The following ST6GALNAC3 variants were observed in gnomAD, a reference collection of about 807,000 sequenced individuals.
The protein encoded by ST6GALNAC3 is alpha-N-acetylgalactosaminide alpha-2,6-sialyltransferase 3.
ST6GALNAC3 carries 25 observed loss-of-function variants against 32.7 expected under a neutral mutation model. The observed-to-expected ratio is 0.76, with a 90% CI of 0.56 to 1.07. ST6GALNAC3 has a LOEUF of 1.07. ST6GALNAC3 is among the 50% of genes least tolerant of loss of function. The pLI is 0.00. For synonymous variants in ST6GALNAC3, 129 were observed against 133.1 expected (o/e 0.97, Z 0.21); for missense variants, 355 against 382.4 (o/e 0.93, Z 0.60).
chr1:76,628,432 A>T (rs980608355), intron 4 of ST6GALNAC3, among the ~76,000 whole-genome samples, 188 bp from the exon 5 acceptor site: 3 of 151,974 alleles, frequency 2.0e-5, no homozygotes, highest in African/African-American at 7.2e-5. Context: ...CTATTAAACC[A>T]CTAAAAACTT....
chr1:76,628,586 T>A, intron 4 of ST6GALNAC3, 34 bp from the exon 5 acceptor site: 1 of 1,542,260 alleles, frequency 6.5e-7, no homozygotes. Context: ...TTCATCTCAA[T>A]CTTTCTCTCC....
chr1:76,179,336 G>A (rs937516660), intron 1 of ST6GALNAC3, among the ~76,000 whole-genome samples: 3 of 152,122 alleles, frequency 2.0e-5, no homozygotes, highest in African/African-American at 4.8e-5. Flanking sequence ...ACTCCTTGGA[G>A]TCATTCTTAA....
At chr1:76,085,143 A>G (rs960829778) in intron 1 of ST6GALNAC3, among the ~76,000 whole-genome samples, 2 of 152,224 alleles carry the variant, frequency 1.3e-5, no homozygotes, top group African/African-American at 4.8e-5. Context: ...GGTGAAAATG[A>G]TATGAAATTC....
chr1:76,636,439 T>C (rs79810392), downstream of ST6GALNAC3, among the ~76,000 whole-genome samples: 5,233 of 152,304 alleles, frequency 0.034, 132 homozygotes, highest in Middle Eastern at 0.11. Flanking sequence ...ATATTTTTAC[T>C]GCATAAAATA....
chr1:76,636,349 C>A (rs545587218), downstream of ST6GALNAC3, among the ~76,000 whole-genome samples: 34 of 152,216 alleles, frequency 2.2e-4, no homozygotes, highest in Admixed American at 1.1e-3. Context: ...GTTTTTGTGC[C>A]TATTTCCCTT....
chr1:76,408,191 G>A (rs943094296), intron 2 of ST6GALNAC3, among the ~76,000 whole-genome samples: 2 of 151,984 alleles, frequency 1.3e-5, no homozygotes, highest in South Asian at 2.1e-4. Context: ...CCACACTCTT[G>A]TCATACTTTA....
At chr1:76,192,970 GGTAATTCTACTTCTCTTA>G (rs753435047) in intron 1 of ST6GALNAC3, among the ~76,000 whole-genome samples, 58 of 152,198 alleles carry the variant, frequency 3.8e-4, no homozygotes, top group Middle Eastern at 6.8e-3. Flanking sequence ...TTCCCCAGAA[GGTAATTCTACTTCTCTTA>G]GTAATTCTCA....
chr1:76,445,031 A>G (rs1656874708), intron 3 of ST6GALNAC3, among the ~76,000 whole-genome samples: 3 of 152,202 alleles, frequency 2.0e-5, no homozygotes, highest in Non-Finnish European at 4.4e-5. Context: ...AAAGCAAGGG[A>G]ACATTATGTT....
At chr1:76,583,992 T>A (rs1646926788) in intron 3 of ST6GALNAC3, among the ~76,000 whole-genome samples, 1 of 152,180 alleles carries the variant, frequency 6.6e-6, no homozygotes, top group South Asian at 2.1e-4. Flanking sequence ...TGTAATCTGA[T>A]CATGGTGGTA....
intron 3 of ST6GALNAC3, among the ~76,000 whole-genome samples, chr1:76,559,449 T>C (rs554530109): frequency 6.6e-6 from 1 of 152,266 alleles, no homozygotes; most frequent in East Asian, 1.9e-4. Flanking sequence ...TCCATGATCA[T>C]GGAGTAGGCA....
Position 76,556,320 on chromosome 1 carries a change from A to C in ST6GALNAC3, c.624-71132A>C, listed in dbSNP as rs115710442. 8.9e-3 allele frequency among the ~76,000 whole-genome samples: 1,354 copies of C among 152,234 alleles called. 21 individuals carry two copies. The highest frequency in any genetic ancestry group is 0.049 in the East Asian group (253 of 5,188). On this transcript the variant is annotated intron_variant, in intron 3 of 4. Coordinates refer to ENST00000328299, the MANE Select transcript of ST6GALNAC3 (RefSeq NM_152996.4). ...GGGTTGTCACTTTTTGGCCATTATG[A>C]ATAATGCTGCTATCAACATTCATGT...
chr1:76,136,184 T>C (rs891997457), intron 1 of ST6GALNAC3, among the ~76,000 whole-genome samples: 6 of 152,216 alleles, frequency 3.9e-5, no homozygotes, highest in African/African-American at 1.4e-4. Flanking sequence ...CATTTATAAA[T>C]GCACTTCCAG....
chr1:76,095,895 C>T (rs537881396), intron 1 of ST6GALNAC3, among the ~76,000 whole-genome samples: 10 of 152,248 alleles, frequency 6.6e-5, no homozygotes, highest in South Asian at 2.1e-4. Context: ...CCTTTGCCAC[C>T]GGGCCCTCGG....
intron 1 of ST6GALNAC3, among the ~76,000 whole-genome samples, chr1:76,299,833 TAA>T (rs1660625605): frequency 6.6e-6 from 1 of 152,048 alleles, no homozygotes; most frequent in Non-Finnish European, 1.5e-5. Flanking sequence ...CAGTCATATA[TAA>T]GATATGAAAC....
Position 76,628,990 on chromosome 1 carries a change from A to T in ST6GALNAC3, c.*184A>T, listed in dbSNP as rs1247009292. 3 of 1,403,742 alleles carry T rather than the reference A, an allele frequency of 2.1e-6. No homozygotes were observed. Among genetic ancestry groups the T allele is most frequent in the South Asian group, 1.6e-5 (1 of 60,880 alleles). 87.0% of individuals were successfully genotyped at this position (1,403,742 alleles called of 1,614,324 possible). A position where few individuals can be genotyped will look rare whatever the true frequency, so the allele number is the denominator to read the frequency against. The stretch of plus-strand genomic sequence containing the variant: ...ATTTAAACTTGGCATTTCATGGAGG[A>T]TGGTTGTGCTCATGATGTTCTTTCT... On this transcript the variant is annotated 3_prime_UTR_variant, in exon 5 of 5. Coordinates refer to ENST00000328299, the MANE Select transcript of ST6GALNAC3 (RefSeq NM_152996.4).
chr1:76,218,582 TTATATC>T (rs1402761266), intron 1 of ST6GALNAC3, among the ~76,000 whole-genome samples: 1 of 152,172 alleles, frequency 6.6e-6, no homozygotes, highest in Non-Finnish European at 1.5e-5. Flanking sequence ...AAAGGAAAAA[TTATATC>T]TATAATGTAT....
At chr1:76,087,834 T>C (rs1646984778) in intron 1 of ST6GALNAC3, among the ~76,000 whole-genome samples, 1 of 152,254 alleles carries the variant, frequency 6.6e-6, no homozygotes, top group Admixed American at 6.5e-5. Context: ...ACTTTAATGA[T>C]ACAATAACAT....
At chr1:76,259,429 T>C (rs139528955) in intron 1 of ST6GALNAC3, among the ~76,000 whole-genome samples, 1 of 152,286 alleles carries the variant, frequency 6.6e-6, no homozygotes, top group Non-Finnish European at 1.5e-5. Flanking sequence ...TGTGACAATA[T>C]CTATCACATG....
intron 1 of ST6GALNAC3, among the ~76,000 whole-genome samples, chr1:76,135,596 T>C (rs1180330644): frequency 3.3e-5 from 5 of 152,202 alleles, no homozygotes; most frequent in African/African-American, 1.2e-4. Context: ...TTGAAAAGCC[T>C]GTGTTCTTTT....
Sources: allele counts gnomAD v4.1 joint callset (sites outside exome capture counted in the v4.1 genomes callset), GRCh38; gene constraint gnomAD v4.1.1; transcripts MANE v1.5; gene names NCBI Gene and HGNC (gene_info 2026-07-23, HGNC 2026-07-21).